DCHS1: variants seen among roughly 807,000 people sequenced by gnomAD.
DCHS1 encodes dachsous cadherin-related 1.
A neutral mutation model predicts 213.9 loss-of-function variants in DCHS1; 78 were observed. That is an observed-to-expected ratio of 0.36 (90% CI 0.30 to 0.44). The LOEUF is 0.44. DCHS1 is among the 20% of genes least tolerant of loss of function. The pLI is 1.00. For synonymous variants in DCHS1, 1,828 were observed against 1,873.7 expected, an observed-to-expected ratio of 0.98 and a Z score of 0.63; for missense variants, 3,946 against 4,395.9, an observed-to-expected ratio of 0.90 and a Z score of 2.89.
rs750459351 is a variant in DCHS1 at position 6,626,054 on chromosome 11, A to G, written c.6597T>C (p.Asp2199=). 3.4e-5 allele frequency: 54 copies of G among 1,610,828 alleles called. No homozygotes were observed. Among genetic ancestry groups the G allele is most frequent in the Non-Finnish European group, 4.4e-5 (52 of 1,178,622 alleles). The change falls in exon 17 of 21, where the codon GAT becomes GAC. Residue 2199 remains aspartate, a synonymous_variant. Coordinates refer to ENST00000299441, the MANE Select transcript of DCHS1 (RefSeq NM_003737.4). The surrounding 1 kb of genome is among the most constrained non-coding windows in gnomAD (Gnocchi z 5.2). ...AGGAAATCTGTCCTCCAGAGCCTTG[A>G]TCCAGGTCATCCGCCTCCACCTGGT... is the stretch of plus-strand genomic sequence containing the variant. ...PLLQVEADDL[D]QGSGGQISYS... is the part of the protein sequence containing the mutation.
At position 6,623,310 on chromosome 11, in the gene DCHS1, T is replaced by C. The variant is rs1430510617; in HGVS notation, c.8366A>G (p.Asp2789Gly). The change falls in exon 21 of 21, where the codon GAT (aspartate) becomes GGT (glycine). Residue 2789 changes from aspartate to glycine, a missense_variant. Transcript: ENST00000299441. ...GACAGAGGCTGAGAGATTCCCAGCA[T>C]CAGCAGCACCCACCAGCAGCCGGAA... ...ESFRLLVGAA[D>G]AGNLSASVTV... The C allele has an allele frequency of 1.9e-6, 3 of 1,591,242 alleles. No individual in the cohort carries two copies. Among genetic ancestry groups the C allele is most frequent in the Non-Finnish European group, 2.6e-6 (3 of 1,168,992 alleles).
rs770246452 is a variant in DCHS1 at position 6,629,579 on chromosome 11, T to G, written c.5036-2A>C. The G allele has an allele frequency of 1.2e-6, 2 of 1,613,626 alleles. No individual in the cohort carries two copies. The highest frequency in any genetic ancestry group is 1.7e-5 in the Admixed American group (1 of 59,956). ...CATAAGTCACTTGCCCGTTGGCCCC[T>G]GAGGAGGGGCAGCATGGAGGGCGAT... On this transcript the variant is annotated splice_acceptor_variant, in intron 11 of 20. Transcript: ENST00000299441. LOFTEE classifies it high-confidence loss of function.
rs1855839614 is a variant in DCHS1, at chr11:6,627,995, T to C, written c.5372-328A>G. ...TTACAGATGCTCTATGACGTGATGA[T>C]ATAATGTCTTGGTTAAGGGAATGTG... is the stretch of plus-strand genomic sequence containing the variant. On this transcript the variant is annotated intron_variant, in intron 13 of 20. Transcript: ENST00000299441. This position sits in a 1 kb window ranked among gnomAD's most constrained non-coding sequence, Gnocchi z 5.4. Among the ~76,000 whole-genome samples, 1 of 150,714 alleles carries C rather than the reference T, an allele frequency of 6.6e-6. No homozygotes were observed.
intron 2 of DCHS1, among the ~76,000 whole-genome samples, chr11:6,634,653 A>G (rs1855962580): frequency 6.6e-6 from 1 of 152,186 alleles, no homozygotes; most frequent in Non-Finnish European, 1.5e-5. Context: ...CTTATCTAAC[A>G]TATGTATTTT....
chr11:6,622,118 G>A lies in DCHS1; in HGVS notation c.9558C>T (p.Leu3186=). The A allele has an allele frequency of 2.5e-6, 4 of 1,613,220 alleles. No homozygotes were observed. The highest frequency in any genetic ancestry group is 3.4e-6 in the Non-Finnish European group (4 of 1,179,858). Residue 3186 remains leucine, a synonymous_variant, in exon 21 of 21, where the codon CTC becomes CTT. Transcript: ENST00000299441. This position sits in a 1 kb window ranked among gnomAD's most constrained non-coding sequence, Gnocchi z 5.4. ...LASVFTEIAR[L]KDEARPCPPA... ...GGGGACATGGCCGAGCTTCATCCTT[G>A]AGCCGAGCGATCTCTGTGAAGACAC...
At position 6,627,989 on chromosome 11, in the gene DCHS1, T is replaced by C. The variant is rs531026922; in HGVS notation, c.5372-322A>G. ...TAGAATTTACAGATGCTCTATGACG[T>C]GATGATATAATGTCTTGGTTAAGGG... On this transcript the variant is annotated intron_variant, in intron 13 of 20. Coordinates refer to ENST00000299441, the MANE Select transcript of DCHS1 (RefSeq NM_003737.4). The surrounding 1 kb of genome is among the most constrained non-coding windows in gnomAD (Gnocchi z 5.4). 6.6e-6 allele frequency among the ~76,000 whole-genome samples: 1 copy of C among 151,782 alleles called. No homozygotes were observed. Among genetic ancestry groups the C allele is most frequent in the African/African-American group, 2.4e-5 (1 of 41,434 alleles).
In DCHS1 at chr11:6,624,740, G is replaced by C. The variant is rs763128348; in HGVS notation, c.7275C>G (p.Asp2425Glu). Residue 2425 changes from aspartate (D) to glutamate (E), a missense_variant, in exon 20 of 21, where the codon GAC becomes GAG. Physicochemically the swap from Asp to Glu is conservative, Grantham distance 45. Coordinates refer to ENST00000299441, the MANE Select transcript of DCHS1 (RefSeq NM_003737.4). ...CTGGGAAAGACGCACCATTGTTGGG[G>C]TCAACACTGAAGCCATCGGCAGGGG... ...LASPADGFSV[D>E]PNNGTLFTIV... 5 of 1,613,928 alleles carry C rather than the reference G, an allele frequency of 3.1e-6. No homozygotes were observed. Among genetic ancestry groups the C allele is most frequent in the African/African-American group, 1.3e-5 (1 of 75,058 alleles).
At position 6,654,750 on chromosome 11, in the gene DCHS1, T is replaced by C. The variant is rs1856290362; in HGVS notation, c.-121+813A>G. ...TTGAGTAGGGCTATGACTGTGTCCC[T>C]ATGGGTATTTGAGAAGTTGACATAA... is the stretch of plus-strand genomic sequence containing the variant. On this transcript the variant is annotated intron_variant, in intron 1 of 20. Transcript: ENST00000299441. 2.6e-5 allele frequency among the ~76,000 whole-genome samples: 4 copies of C among 152,106 alleles called. No individual in the cohort carries two copies. The South Asian group carries it at 8.3e-4, about 31-fold the overall frequency.
At chr11:6,636,570 G>A (rs574728355) in intron 2 of DCHS1, among the ~76,000 whole-genome samples, 218 of 152,170 alleles carry the variant, frequency 1.4e-3, no homozygotes, top group Middle Eastern at 3.4e-3. Flanking sequence ...GAACTCTTGG[G>A]CTCAAGTAAT....
rs752835186 is a variant in DCHS1, at chr11:6,631,386, C to T, written c.3697G>A (p.Gly1233Arg). Residue 1233 changes from glycine (G) to arginine (R), a missense_variant, in exon 8 of 21, where the codon GGA becomes AGA. Physicochemically the swap from Gly to Arg is moderately radical, Grantham distance 125. Transcript: ENST00000299441. ...PIQVPDRVPPGTLVTTLQAKD... is the reference protein window; with the variant it reads ...PIQVPDRVPPRTLVTTLQAKD... Reference sequence around the variant, plus strand: ...GCCTGCAGAGTCGTCACCAGTGTTCCCGGAGGCACGCGGTCTGGTACCTGT... The same window carrying T: ...GCCTGCAGAGTCGTCACCAGTGTTCTCGGAGGCACGCGGTCTGGTACCTGT... The T allele has an allele frequency of 6.2e-7, 1 of 1,614,002 alleles. No homozygotes were observed. The highest frequency in any genetic ancestry group is 8.5e-7 in the Non-Finnish European group (1 of 1,179,878).
In DCHS1 at chr11:6,624,839, G is replaced by A. The variant is rs759792901; in HGVS notation, c.7176C>T (p.Gly2392=). Residue 2392 remains glycine (G), a synonymous_variant, in exon 20 of 21, where the codon GGC becomes GGT. Transcript: ENST00000299441. ...TGGCAGAGACGGAGAGAATGGCACT[G>A]CCTGGGGGTGTGTGCTCAAGCAGCA... ...QVMLLEHTPP[G]SAILSVSATD... 4.3e-6 allele frequency: 7 copies of A among 1,613,910 alleles called. No individual in the cohort carries two copies. The highest frequency in any genetic ancestry group is 5.9e-6 in the Non-Finnish European group (7 of 1,179,856).
chr11:6,628,557 G>C lies in DCHS1; in HGVS notation c.5371+64C>G, dbSNP rs1424794720. The C allele has an allele frequency of 1.9e-6, 3 of 1,587,950 alleles. No individual in the cohort carries two copies. The Admixed American group carries it at 5.0e-5, about 27-fold the overall frequency. ...GACACATGCACTGAGGCTGACAGCAGCCAAGAAGGAGCAAGAACCAGGCAA... is the reference window on the plus strand; with the variant it reads ...GACACATGCACTGAGGCTGACAGCACCCAAGAAGGAGCAAGAACCAGGCAA... On this transcript the variant is annotated intron_variant, in intron 13 of 20. Coordinates refer to ENST00000299441, the MANE Select transcript of DCHS1 (RefSeq NM_003737.4). This position sits in a 1 kb window ranked among gnomAD's most constrained non-coding sequence, Gnocchi z 4.3.
At chr11:6,631,581 C>A in intron 7 of DCHS1, 35 bp downstream of exon 7, 9 of 1,551,322 alleles carry the variant, frequency 5.8e-6, no homozygotes, top group Non-Finnish European at 7.8e-6. Flanking sequence ...CTCCCTCTCA[C>A]ACTTCTCAGG....
rs748608951 is a variant in DCHS1, at chr11:6,624,400, G to T, written c.7286-10C>A. On this transcript the variant is annotated splice_polypyrimidine_tract_variant and intron_variant, in intron 20 of 20. Coordinates refer to ENST00000299441, the MANE Select transcript of DCHS1 (RefSeq NM_003737.4). The stretch of plus-strand genomic sequence containing the variant: ...ATTGTGAACAGGGTCCCTGAGATGA[G>T]AACGGAAGGGAAAGAAATATATTCA... 5 of 1,535,428 alleles carry T rather than the reference G, an allele frequency of 3.3e-6. No individual in the cohort carries two copies. Among genetic ancestry groups the T allele is most frequent in the South Asian group, 2.4e-5 (2 of 83,720 alleles).
Position 6,633,975 on chromosome 11 carries a change from C to G in DCHS1, c.2032G>C (p.Glu678Gln). The change falls in exon 4 of 21, where the codon GAG (glutamate) becomes CAG (glutamine). Residue 678 changes from glutamate (E) to glutamine (Q), a missense_variant. By Grantham distance (29) the Glu-to-Gln change is conservative (BLOSUM62 2). Transcript: ENST00000299441. ...MVYVKVFLSD[E>Q]NDNPPQFYPR... ...TAAAACTGAGGAGGGTTGTCATTCT[C>G]GTCTGACAGAAACACCTTCACATAT... 6.2e-7 allele frequency: 1 copy of G among 1,614,010 alleles called. No homozygotes were observed. Among genetic ancestry groups the G allele is most frequent in the Non-Finnish European group, 8.5e-7 (1 of 1,179,888 alleles).
Position 6,626,577 on chromosome 11 carries a change from C to T in DCHS1, c.6339G>A (p.Gly2113=), listed in dbSNP as rs1235272152. The T allele has an allele frequency of 6.2e-7, 1 of 1,614,024 alleles. No homozygotes were observed. Among genetic ancestry groups the T allele is most frequent in the South Asian group, 1.1e-5 (1 of 91,070 alleles). ...CTGTACTAGGCTGGATGGAGAATGT[C>T]CCTTTCTCATTCCCACTGAGAATGC... ...TYSILSGNEK[G]TFSIQPSTGA... Residue 2113 remains glycine, a synonymous_variant, in exon 15 of 21, where the codon GGG becomes GGA. Transcript: ENST00000299441. This position sits in a 1 kb window ranked among gnomAD's most constrained non-coding sequence, Gnocchi z 5.2.
intron 20 of DCHS1, 130 bp downstream of exon 20, chr11:6,624,599 GA>G: frequency 7.1e-7 from 1 of 1,412,098 alleles, no homozygotes; most frequent in Non-Finnish European, 9.7e-7. Context: ...AATGAAGACA[GA>G]GGGGAGGAAA....
In DCHS1 at chr11:6,632,788, G is replaced by A; in HGVS notation, c.2724C>T (p.Ala908=). Reference sequence around the variant, plus strand: ...GCAGTGTATAGATGGGAGTCCCTGGGGCAGTGTTTGGTGGTAGCAATACCG... The same window carrying A: ...GCAGTGTATAGATGGGAGTCCCTGGAGCAGTGTTTGGTGGTAGCAATACCG... ...EDTVLLPPNT[A]PGTPIYTLRA... The change falls in exon 6 of 21, where the codon GCC becomes GCT. Residue 908 remains alanine (A), a synonymous_variant. Transcript: ENST00000299441. The surrounding 1 kb of genome is among the most constrained non-coding windows in gnomAD (Gnocchi z 5.9). 1 of 1,613,840 alleles carries A rather than the reference G, an allele frequency of 6.2e-7. No homozygotes were observed. The highest frequency in any genetic ancestry group is 8.5e-7 in the Non-Finnish European group (1 of 1,179,814).
At chr11:6,636,567 T>C (rs1277537203) in intron 2 of DCHS1, among the ~76,000 whole-genome samples, 2 of 152,144 alleles carry the variant, frequency 1.3e-5, no homozygotes, top group Non-Finnish European at 2.9e-5. Context: ...TTGGAACTCT[T>C]GGGCTCAAGT....
Sources: gnomAD v4.1 joint callset for allele counts (sites outside exome capture counted in the v4.1 genomes callset) on GRCh38, gnomAD v4.1.1 for gene constraint, Gnocchi (gnomAD v3.1) non-coding constraint, MANE v1.5 for transcripts, NCBI Gene and HGNC (gene_info 2026-07-23, HGNC 2026-07-21) for gene names.